The following CRPPA variants were observed in gnomAD, a reference collection of about 807,000 sequenced individuals.
CRPPA encodes CDP-L-ribitol pyrophosphorylase A.
In CRPPA, 43 loss-of-function variants were observed where a neutral mutation model predicts 52.0. The observed-to-expected ratio is 0.83, with a 90% CI of 0.65 to 1.07. CRPPA has a LOEUF of 1.07. Among genes scored for constraint, CRPPA ranks in the 50% least tolerant of loss-of-function variants. CRPPA has a pLI of 0.00. For missense variants in CRPPA, 629 were observed against 551.7 expected (o/e 1.14, Z -1.40); for synonymous variants, 250 against 203.5 (o/e 1.23, Z -1.94).
At chr7:16,327,378 G>A (rs1430372167) in intron 3 of CRPPA, among the ~76,000 whole-genome samples, 1 of 151,534 alleles carries the variant, frequency 6.6e-6, no homozygotes, top group African/African-American at 2.4e-5. Flanking sequence ...GGATCATGAG[G>A]TCAGGAGATC....
chr7:16,159,138 C>T (rs939712474), intron 9 of CRPPA, among the ~76,000 whole-genome samples: 1 of 151,958 alleles, frequency 6.6e-6, no homozygotes, highest in East Asian at 1.9e-4. Flanking sequence ...GGAGAGTGGC[C>T]GGGTGCGGTG....
chr7:16,412,152 C>T (rs530708213), intron 1 of CRPPA, among the ~76,000 whole-genome samples: 1 of 152,244 alleles, frequency 6.6e-6, no homozygotes, highest in African/African-American at 2.4e-5. Context: ...TATGGCCTTA[C>T]ACTATTTCAA....
chr7:16,338,702 A>C (rs1457393130), intron 3 of CRPPA, among the ~76,000 whole-genome samples: 1 of 152,188 alleles, frequency 6.6e-6, no homozygotes, highest in African/African-American at 2.4e-5. Context: ...TCTAAAATTC[A>C]CAGGAATAGA....
intron 8 of CRPPA, among the ~76,000 whole-genome samples, chr7:16,245,911 C>A (rs759515107): frequency 2.0e-5 from 3 of 151,898 alleles, no homozygotes; most frequent in Admixed American, 2.0e-4. Context: ...GAGCCTTCAG[C>A]GAGTCCTAAT....
At chr7:16,378,126 ATACTT>A (rs1183507220) in intron 2 of CRPPA, among the ~76,000 whole-genome samples, 4 of 151,694 alleles carry the variant, frequency 2.6e-5, no homozygotes, top group African/African-American at 9.7e-5. Flanking sequence ...TATTATTATT[ATACTT>A]TAAGTTTTAG....
intron 2 of CRPPA, among the ~76,000 whole-genome samples, chr7:16,380,831 G>T (rs1250681260): frequency 6.6e-6 from 1 of 152,120 alleles, no homozygotes; most frequent in Admixed American, 6.5e-5. Context: ...GGGATCAGTG[G>T]TGATATCCCC....
intron 9 of CRPPA, among the ~76,000 whole-genome samples, chr7:16,118,986 C>A (rs1017598105): frequency 1.3e-5 from 2 of 152,040 alleles, no homozygotes; most frequent in Non-Finnish European, 2.9e-5. Context: ...TGAGGCTGCC[C>A]TCATCCTCAG....
intron 5 of CRPPA, among the ~76,000 whole-genome samples, chr7:16,290,682 A>G (rs1422322108): frequency 6.6e-6 from 1 of 152,110 alleles, no homozygotes; most frequent in Non-Finnish European, 1.5e-5. Context: ...ATGCAAAACT[A>G]TGAAAATAAC....
chr7:16,243,507 A>C (rs1783183503), intron 8 of CRPPA, among the ~76,000 whole-genome samples: 1 of 152,188 alleles, frequency 6.6e-6, no homozygotes, highest in Non-Finnish European at 1.5e-5. Context: ...AAATCATGCT[A>C]AATAGCATAG....
At position 16,406,170 on chromosome 7, in the gene CRPPA, A is replaced by T. The variant is rs1554363950; in HGVS notation, c.425T>A (p.Ile142Asn). Reference sequence around the variant, plus strand: ...TTCTGGCTTAGAGAGTTTAGAGTTGATCTGATCTTCTGCCAGTGCTTTTAG... The same window carrying T: ...TTCTGGCTTAGAGAGTTTAGAGTTGTTCTGATCTTCTGCCAGTGCTTTTAG... ...NGLKALAEDQ[I>N]NSKLSKPEVV... Residue 142 changes from isoleucine (I) to asparagine (N), a missense_variant, in exon 2 of 10, where the codon ATC (isoleucine) becomes AAC (asparagine). Physicochemically the swap from Ile to Asn is moderately radical, Grantham distance 149. Transcript: ENST00000407010. The T allele has an allele frequency of 6.2e-7, 1 of 1,613,974 alleles. No individual in the cohort carries two copies. Among genetic ancestry groups the T allele is most frequent in the Non-Finnish European group, 8.5e-7 (1 of 1,179,884 alleles).
chr7:16,153,398 G>A (rs1224239995), intron 9 of CRPPA, among the ~76,000 whole-genome samples: 1 of 151,836 alleles, frequency 6.6e-6, no homozygotes, highest in South Asian at 2.1e-4. Flanking sequence ...AAAGAAATAA[G>A]AATATATGAT....
intron 9 of CRPPA, among the ~76,000 whole-genome samples, chr7:16,100,522 A>G (rs1782023124): frequency 6.6e-6 from 1 of 152,236 alleles, no homozygotes; most frequent in Non-Finnish European, 1.5e-5. Flanking sequence ...GCTTACCTTA[A>G]GATATCTTTG....
intron 3 of CRPPA, among the ~76,000 whole-genome samples, chr7:16,366,767 A>T (rs191819361): frequency 0.027 from 3,998 of 146,220 alleles, 171 homozygotes; most frequent in African/African-American, 0.095. Context: ...TGAGAGAATT[A>T]AAAAAAAAAA....
Position 16,376,085 on chromosome 7 carries a change from T to G in CRPPA, c.684+7A>C. On this transcript the variant is annotated splice_region_variant and intron_variant, in intron 3 of 9. Transcript: ENST00000407010. ...CAGCAGCTTATTCAAAAAGCCCAAA[T>G]TCTTACCTGCTGATATGCTTCATAA... 1.3e-6 allele frequency: 2 copies of G among 1,563,610 alleles called. No individual in the cohort carries two copies. Among genetic ancestry groups the G allele is most frequent in the African/African-American group, 1.4e-5 (1 of 73,476 alleles).
At chr7:16,110,509 T>C (rs1342937402) in intron 9 of CRPPA, among the ~76,000 whole-genome samples, 1 of 152,054 alleles carries the variant, frequency 6.6e-6, no homozygotes, top group Non-Finnish European at 1.5e-5. Context: ...TCACAATACC[T>C]GATTTCAAAC....
intron 8 of CRPPA, among the ~76,000 whole-genome samples, chr7:16,232,642 C>T (rs570098791): frequency 6.6e-6 from 1 of 152,176 alleles, no homozygotes; most frequent in Admixed American, 6.5e-5. Context: ...AGGGTCTTCC[C>T]TCAGTTGTGG....
intron 3 of CRPPA, among the ~76,000 whole-genome samples, chr7:16,373,479 G>C (rs758661625): frequency 6.6e-6 from 1 of 152,160 alleles, no homozygotes; most frequent in Non-Finnish European, 1.5e-5. Flanking sequence ...GAAGAAGACA[G>C]ATACCATCCC....
At chr7:16,166,154 C>A (rs1449923829) in intron 9 of CRPPA, among the ~76,000 whole-genome samples, 2 of 152,074 alleles carry the variant, frequency 1.3e-5, no homozygotes, top group African/African-American at 2.4e-5. Flanking sequence ...ACCAGTTTAA[C>A]CTGTTTTCAT....
At chr7:16,360,518 A>T (rs2128309114) in intron 3 of CRPPA, among the ~76,000 whole-genome samples, 1 of 152,294 alleles carries the variant, frequency 6.6e-6, no homozygotes, top group East Asian at 1.9e-4. Flanking sequence ...TAGTAGTAGT[A>T]AGTAGTAGCA....
Sources: allele counts gnomAD v4.1 joint callset (sites outside exome capture counted in the v4.1 genomes callset), GRCh38; gene constraint gnomAD v4.1.1; transcripts MANE v1.5; gene names NCBI Gene and HGNC (gene_info 2026-07-23, HGNC 2026-07-21).